Variants in BEGAIN observed in about 807,000 individuals in gnomAD.
The protein encoded by BEGAIN is brain enriched guanylate kinase associated.
BEGAIN carries 19 observed loss-of-function variants against 35.8 expected under a neutral mutation model. The ratio of observed to expected loss-of-function variants is 0.53; its 90% CI spans 0.37 to 0.78. BEGAIN has a LOEUF of 0.78. Ranked by LOEUF, BEGAIN falls within the 30% of genes least tolerant of loss-of-function variation. The pLI is 0.00. For missense variants in BEGAIN, 795 were observed against 853.6 expected (o/e 0.93, Z 0.85); for synonymous variants, 462 against 388.6 (o/e 1.19, Z -2.22).
In BEGAIN at chr14:100,546,633, C is replaced by T. The variant is rs1176552665; in HGVS notation, c.101G>A (p.Arg34His). The T allele has an allele frequency of 1.3e-5, 20 of 1,577,578 alleles. No homozygotes were observed. The highest frequency in any genetic ancestry group is 1.7e-5 in the Non-Finnish European group (20 of 1,166,834). ...GTGTGTGGTGTAGGACAGCCGCTTG[C>T]GCAGCTCGCCCTTCTGCTCCTGCAG... ...SALQEQKGEL[R>H]KRLSYTTHKL... The change falls in exon 3 of 7, where the codon CGC (arginine) becomes CAC (histidine). Residue 34 changes from arginine to histidine, a missense_variant. Transcript: ENST00000554140.
At chr14:100,544,325 A>T (rs1390974063) in intron 4 of BEGAIN, among the ~76,000 whole-genome samples, 1 of 152,178 alleles carries the variant, frequency 6.6e-6, no homozygotes, top group African/African-American at 2.4e-5. Context: ...GGCTCAGGAA[A>T]GGGCCGGTGT....
intron 1 of BEGAIN, among the ~76,000 whole-genome samples, chr14:100,585,135 G>C (rs1013752654): frequency 2.0e-5 from 3 of 152,018 alleles, no homozygotes; most frequent in Non-Finnish European, 4.4e-5. Context: ...TGGGACCCTG[G>C]GTAATGATTT....
intron 2 of BEGAIN, chr14:100,547,039 A>G (rs1014526527): frequency 1.2e-4 from 20 of 166,920 alleles, no homozygotes; most frequent in African/African-American, 4.5e-4. Context: ...ATCAGCACCC[A>G]GGCTATCACA....
chr14:100,539,185 T>C lies in BEGAIN; in HGVS notation c.623A>G (p.Lys208Arg). The change falls in exon 7 of 7, where the codon AAG becomes AGG. Residue 208 changes from lysine (K) to arginine (R), a missense_variant. By Grantham distance (26) the Lys-to-Arg change is conservative. Coordinates refer to ENST00000554140, the MANE Select transcript of BEGAIN (RefSeq NM_001385089.1). ...GGAGGACAGGCTGGCGGGGTCCGGCTTCTCCAGCACCTTGGCAATGACGCA... is the reference window on the plus strand; with the variant it reads ...GGAGGACAGGCTGGCGGGGTCCGGCCTCTCCAGCACCTTGGCAATGACGCA... ...PTCVIAKVLEKPDPASLSSRL... is the reference protein window; with the variant it reads ...PTCVIAKVLERPDPASLSSRL... 1 of 1,581,052 alleles carries C rather than the reference T, an allele frequency of 6.3e-7. No individual in the cohort carries two copies. The highest frequency in any genetic ancestry group is 1.2e-5 in the South Asian group (1 of 86,478).
chr14:100,587,003 C>T (rs907494468), intron 1 of BEGAIN, among the ~76,000 whole-genome samples: 25 of 151,918 alleles, frequency 1.6e-4, no homozygotes, highest in African/African-American at 6.0e-4. Context: ...AGGACCCGGG[C>T]GCTCCCGGCG....
intron 1 of BEGAIN, among the ~76,000 whole-genome samples, chr14:100,584,621 A>G (rs1470315927): frequency 1.3e-5 from 2 of 152,220 alleles, no homozygotes; most frequent in Non-Finnish European, 2.9e-5. Context: ...TTAAAGCAAT[A>G]GAGACACCTC....
At chr14:100,585,414 TCCCA>T (rs2035421264) in intron 1 of BEGAIN, among the ~76,000 whole-genome samples, 1 of 56,530 alleles carries the variant, frequency 1.8e-5, no homozygotes, top group South Asian at 1.0e-3. Flanking sequence ...CCTCCCTCCC[TCCCA>T]TCCATCCATC....
At chr14:100,581,219 C>T (rs1267153362) in intron 1 of BEGAIN, among the ~76,000 whole-genome samples, 5 of 152,208 alleles carry the variant, frequency 3.3e-5, no homozygotes, top group Admixed American at 3.3e-4. Context: ...AGCACTGGGG[C>T]TCTGATGTGG....
chr14:100,564,175 T>A (rs1300005781), intron 2 of BEGAIN, among the ~76,000 whole-genome samples: 1 of 151,264 alleles, frequency 6.6e-6, no homozygotes, highest in East Asian at 2.0e-4. Flanking sequence ...GGGTTGGCCA[T>A]GTTGAACTCC....
intron 5 of BEGAIN, among the ~76,000 whole-genome samples, chr14:100,541,029 C>T (rs923223253): frequency 2.6e-5 from 4 of 152,244 alleles, no homozygotes; most frequent in African/African-American, 9.6e-5. Flanking sequence ...CCAGCACCTT[C>T]CACCCCGCAC....
At chr14:100,559,040 A>G (rs1481380733) in intron 2 of BEGAIN, among the ~76,000 whole-genome samples, 1 of 152,162 alleles carries the variant, frequency 6.6e-6, no homozygotes, top group Non-Finnish European at 1.5e-5. Context: ...GGCCCTGAGC[A>G]TGTGCTGAAG....
At chr14:100,570,701 G>A (rs1181806711) in intron 1 of BEGAIN, among the ~76,000 whole-genome samples, 2 of 152,250 alleles carry the variant, frequency 1.3e-5, no homozygotes, top group South Asian at 4.1e-4. Context: ...TAGCAGGGAA[G>A]CTCCCCTGGC....
At chr14:100,542,303 C>T (rs561598272) in intron 5 of BEGAIN, among the ~76,000 whole-genome samples, 2 of 152,240 alleles carry the variant, frequency 1.3e-5, no homozygotes, top group African/African-American at 4.8e-5. Flanking sequence ...GACTGCAGCC[C>T]CCTTCTCAAG....
Position 100,538,991 on chromosome 14 carries a change from C to G in BEGAIN, c.817G>C (p.Val273Leu), listed in dbSNP as rs147214195. ...GAGTTCTGGGCCCGCAGGAAGCCCA[C>G]GTCGGTCACGGGCGCGTCCACGCTA... ...RPSVDAPVTDVGFLRAQNSTD... is the reference protein window; with the variant it reads ...RPSVDAPVTDLGFLRAQNSTD... Residue 273 changes from valine (V) to leucine (L), a missense_variant, in exon 7 of 7, where the codon GTG becomes CTG. Around this residue, in one of 3 missense-constraint regions of BEGAIN, gnomAD observed 664 missense variants for 647.7 expected, o/e 1.03. Transcript: ENST00000554140. 6.2e-7 allele frequency: 1 copy of G among 1,610,418 alleles called. No individual in the cohort carries two copies. Among genetic ancestry groups the G allele is most frequent in the East Asian group, 2.2e-5 (1 of 44,800 alleles).
chr14:100,539,847 T>C (rs944469697), intron 6 of BEGAIN, among the ~76,000 whole-genome samples: 2 of 152,140 alleles, frequency 1.3e-5, no homozygotes, highest in Non-Finnish European at 1.5e-5. Context: ...CCTGGTGCCA[T>C]GTGGGGGTGT....
intron 1 of BEGAIN, among the ~76,000 whole-genome samples, chr14:100,575,157 G>A (rs995769668): frequency 6.6e-6 from 1 of 152,194 alleles, no homozygotes; most frequent in Non-Finnish European, 1.5e-5. Context: ...AGTGGTTCAT[G>A]GTGGAGCCCC....
chr14:100,546,354 CCGCCCCGGCCCT>C (rs2032390119), intron 3 of BEGAIN, 135 bp downstream of exon 3: 2 of 258,056 alleles, frequency 7.8e-6, no homozygotes, highest in Non-Finnish European at 1.4e-5. Flanking sequence ...GGCCCTCGCC[CCGCCCCGGCCCT>C]CGCCCCGCCC....
intron 1 of BEGAIN, among the ~76,000 whole-genome samples, chr14:100,585,167 T>C (rs969577403): frequency 2.6e-5 from 4 of 151,894 alleles, no homozygotes; most frequent in Non-Finnish European, 5.9e-5. Flanking sequence ...CCAATAGCCA[T>C]GGACTCATGG....
chr14:100,571,193 T>C (rs1358433676), intron 1 of BEGAIN, among the ~76,000 whole-genome samples: 2 of 152,152 alleles, frequency 1.3e-5, no homozygotes, highest in African/African-American at 4.8e-5. Flanking sequence ...CCTACCTCTT[T>C]CTGGTGGTCC....
Sources: gnomAD v4.1 joint callset for allele counts (sites outside exome capture counted in the v4.1 genomes callset) on GRCh38, gnomAD v4.1.1 for gene constraint, gnomAD v4.1.1 regional missense constraint, MANE v1.5 for transcripts, NCBI Gene and HGNC (gene_info 2026-07-23, HGNC 2026-07-21) for gene names.